RPS6KC1: variants seen among roughly 807,000 people sequenced by gnomAD.
The protein encoded by RPS6KC1 is ribosomal protein S6 kinase C1.
Under a neutral mutation model 103.8 loss-of-function variants are expected in RPS6KC1, and 54 were observed. The observed-to-expected ratio is 0.52, with a 90% CI of 0.42 to 0.65. The LOEUF (loss-of-function observed/expected upper bound fraction) is 0.65. Ranked by LOEUF, RPS6KC1 falls within the 30% of genes least tolerant of loss-of-function variation. The pLI, the probability that RPS6KC1 is intolerant of heterozygous loss-of-function variation, is 0.00. For synonymous variants in RPS6KC1, 439 were observed against 438.7 expected (o/e 1.00, Z -0.01); for missense variants, 1,151 against 1,253.8 (o/e 0.92, Z 1.24).
the RPS6KC1 span, among the ~76,000 whole-genome samples, chr1:213,383,913 TTG>T: frequency 6.6e-6 from 1 of 152,156 alleles, no homozygotes; most frequent in Non-Finnish European, 1.5e-5. Context: ...ATGTCTTTTG[TTG>T]AAGCTGCCCA....
chr1:213,637,254 A>G, the RPS6KC1 span, among the ~76,000 whole-genome samples: 32 of 152,246 alleles, frequency 2.1e-4, no homozygotes, highest in Admixed American at 1.3e-4. Context: ...CAGCAATCCC[A>G]TTACTGGGTG....
chr1:213,363,788 T>C, the RPS6KC1 span, among the ~76,000 whole-genome samples: 2 of 109,854 alleles, frequency 1.8e-5, no homozygotes, highest in African/African-American at 5.3e-5. Context: ...CTTTCTTTCT[T>C]TCTTTCTTTC....
chr1:213,572,082 C>G, the RPS6KC1 span, among the ~76,000 whole-genome samples: 1 of 152,138 alleles, frequency 6.6e-6, no homozygotes, highest in African/African-American at 2.4e-5. Flanking sequence ...CGAGGGGATG[C>G]AGAGAGGCAA....
the RPS6KC1 span, among the ~76,000 whole-genome samples, chr1:213,603,696 T>C: frequency 1.3e-5 from 2 of 151,692 alleles, no homozygotes; most frequent in South Asian, 2.1e-4. Flanking sequence ...CTGTCTGTAC[T>C]AAAAAATACA....
the RPS6KC1 span, among the ~76,000 whole-genome samples, chr1:213,286,106 T>A: frequency 2.0e-5 from 3 of 152,208 alleles, no homozygotes; most frequent in Non-Finnish European, 2.9e-5. Flanking sequence ...GAGTCTGATG[T>A]TGTCGAGAAG....
the RPS6KC1 span, among the ~76,000 whole-genome samples, chr1:213,297,080 C>A: frequency 6.6e-6 from 1 of 152,196 alleles, no homozygotes; most frequent in East Asian, 1.9e-4. Context: ...GGGAGAAATG[C>A]AGTCATATCT....
the RPS6KC1 span, among the ~76,000 whole-genome samples, chr1:213,537,204 G>A: frequency 6.8e-3 from 1,033 of 152,278 alleles, 16 homozygotes; most frequent in African/African-American, 0.024. Context: ...GGGCTCAGAT[G>A]TTCCTCATAG....
the RPS6KC1 span, among the ~76,000 whole-genome samples, chr1:213,633,400 T>G: frequency 2.6e-5 from 4 of 152,172 alleles, no homozygotes; most frequent in Non-Finnish European, 5.9e-5. Flanking sequence ...TACTCAACAT[T>G]CTTAAAGAAA....
the RPS6KC1 span, among the ~76,000 whole-genome samples, chr1:213,663,851 A>G: frequency 1.3e-5 from 2 of 152,186 alleles, no homozygotes; most frequent in African/African-American, 4.8e-5. Context: ...CAAGCCAGGC[A>G]TCCCTCCTTC....
the RPS6KC1 span, among the ~76,000 whole-genome samples, chr1:213,647,113 G>A: frequency 2.6e-5 from 4 of 151,992 alleles, no homozygotes; most frequent in South Asian, 2.1e-4. Context: ...GGTTCGCCAC[G>A]TTGGCCAGGA....
chr1:213,600,254 C>T, the RPS6KC1 span, among the ~76,000 whole-genome samples: 2 of 152,100 alleles, frequency 1.3e-5, no homozygotes, highest in African/African-American at 2.4e-5. Flanking sequence ...GTCTTTATAG[C>T]AATCTGAAAA....
the RPS6KC1 span, among the ~76,000 whole-genome samples, chr1:213,374,539 T>C: frequency 2.0e-5 from 3 of 152,138 alleles, no homozygotes; most frequent in Admixed American, 2.0e-4. Context: ...GGGTTTGCTC[T>C]GGGCTTCCAA....
At chr1:213,318,094 G>A in the RPS6KC1 span, among the ~76,000 whole-genome samples, 1 of 152,246 alleles carries the variant, frequency 6.6e-6, no homozygotes, top group Non-Finnish European at 1.5e-5. Context: ...TCACAGAAGT[G>A]CCTGTGGGCC....
the RPS6KC1 span, among the ~76,000 whole-genome samples, chr1:213,440,298 C>A: frequency 6.6e-6 from 1 of 152,074 alleles, no homozygotes. Context: ...GTCCAGAAGA[C>A]TTGAAGACAA....
chr1:213,094,086 C>G (rs1384546778), intron 3 of RPS6KC1, among the ~76,000 whole-genome samples: 2 of 19,716 alleles, frequency 1.0e-4, no homozygotes, highest in African/African-American at 2.3e-4. Flanking sequence ...AATTTATGCT[C>G]CCCCCCCCCA....
intron 8 of RPS6KC1, among the ~76,000 whole-genome samples, chr1:213,213,714 T>C (rs184651072): frequency 1.5e-3 from 232 of 152,386 alleles, no homozygotes; most frequent in African/African-American, 5.2e-3. Flanking sequence ...TTTTGAATTT[T>C]GAGTAAATTT....
At chr1:213,602,118 T>TCC in the RPS6KC1 span, among the ~76,000 whole-genome samples, 1 of 8,896 alleles carries the variant, frequency 1.1e-4, no homozygotes, top group African/African-American at 4.1e-4. Context: ...CTTTCTTTCT[T>TCC]TCTCTTTCTT....
the RPS6KC1 span, among the ~76,000 whole-genome samples, chr1:213,351,445 G>T: frequency 7.2e-5 from 11 of 152,316 alleles, no homozygotes; most frequent in South Asian, 1.5e-3. Flanking sequence ...GGTGTGATTT[G>T]CTTGGCAGAG....
chr1:213,366,701 C>A, the RPS6KC1 span, among the ~76,000 whole-genome samples: 2 of 152,228 alleles, frequency 1.3e-5, no homozygotes, highest in Non-Finnish European at 2.9e-5. Context: ...GGGTGTTAGT[C>A]CACCTGGCAT....
Sources: gnomAD v4.1 joint callset for allele counts (sites outside exome capture counted in the v4.1 genomes callset) on GRCh38, gnomAD v4.1.1 for gene constraint, MANE v1.5 for transcripts, NCBI Gene and HGNC (gene_info 2026-07-23, HGNC 2026-07-21) for gene names.